CCDC28A: variants seen among roughly 807,000 people sequenced by gnomAD.
The protein encoded by CCDC28A is coiled-coil domain-containing protein 28A.
A neutral mutation model predicts 22.1 loss-of-function variants in CCDC28A; 24 were observed. The observed-to-expected ratio is 1.09, with a 90% CI of 0.79 to 1.53. The LOEUF (loss-of-function observed/expected upper bound fraction) is 1.53. CCDC28A is among the 40% of genes most tolerant of loss of function. The probability of loss-of-function intolerance (pLI) is 0.00; values close to 1 mark genes in which losing one functional copy is unlikely to be tolerated. For missense variants in CCDC28A, 170 were observed against 210.7 expected, an observed-to-expected ratio of 0.81 and a Z score of 1.20; for synonymous variants, 83 against 74.7, an observed-to-expected ratio of 1.11 and a Z score of -0.57.
At chr6:138,790,212 G>A (rs948698818) in intron 5 of CCDC28A, among the ~76,000 whole-genome samples, 5 of 151,986 alleles carry the variant, frequency 3.3e-5, no homozygotes, top group African/African-American at 1.2e-4. Context: ...AAGCAGTAGC[G>A]TGATCTCCAC....
At chr6:138,778,044 G>A (rs11756188) in intron 2 of CCDC28A, among the ~76,000 whole-genome samples, 4,799 of 152,180 alleles carry the variant, frequency 0.032, 114 homozygotes, top group Non-Finnish European at 0.041. Context: ...CATAATGTAT[G>A]TAATACATAA....
At chr6:138,785,945 C>T (rs138590531) in intron 4 of CCDC28A, among the ~76,000 whole-genome samples, 8 of 152,216 alleles carry the variant, frequency 5.3e-5, no homozygotes, top group South Asian at 2.1e-4. Flanking sequence ...AAAGGCAGAA[C>T]GACATTTGCT....
intron 3 of CCDC28A, 60 bp from the exon 4 acceptor site, chr6:138,785,167 A>T (rs1287100275): frequency 2.5e-6 from 3 of 1,192,976 alleles, no homozygotes; most frequent in Non-Finnish European, 3.6e-6. Context: ...AAGTGTTTTT[A>T]CTCAATGCTG....
intron 5 of CCDC28A, among the ~76,000 whole-genome samples, chr6:138,789,068 T>G (rs985840296): frequency 6.6e-6 from 1 of 152,218 alleles, no homozygotes; most frequent in Admixed American, 6.5e-5. Context: ...CACAATTAAA[T>G]GTACTTAGTG....
rs188329801 is a variant in CCDC28A at position 138,775,293 on chromosome 6, G to A, written c.-42-786G>A. On this transcript the variant is annotated intron_variant, in intron 1 of 5. Coordinates refer to ENST00000617445, the MANE Select transcript of CCDC28A (RefSeq NM_015439.3). ...AGAGCGGATTAATAGATAAAGTAAG[G>A]GGATTGTGTAGGGATAACTAGGAGG... is the stretch of plus-strand genomic sequence containing the variant. Among the ~76,000 whole-genome samples the A allele has an allele frequency of 3.9e-5, 6 of 152,308 alleles. No homozygotes were observed. In the East Asian group the frequency reaches 1.2e-3, roughly 29 times the overall value.
chr6:138,775,971 C>T (rs1774924647), intron 1 of CCDC28A, 108 bp from the exon 2 acceptor site: 2 of 870,700 alleles, frequency 2.3e-6, no homozygotes, highest in East Asian at 5.2e-5. Context: ...TTCTCTTATG[C>T]CCTCTGGAAT....
intron 3 of CCDC28A, among the ~76,000 whole-genome samples, chr6:138,782,637 C>T (rs1465148812): frequency 1.3e-5 from 2 of 152,142 alleles, no homozygotes; most frequent in Non-Finnish European, 2.9e-5. Flanking sequence ...CACACAAACA[C>T]GTATCTTGAG....
chr6:138,781,566 C>T (rs571982276), intron 3 of CCDC28A, among the ~76,000 whole-genome samples: 5 of 152,170 alleles, frequency 3.3e-5, no homozygotes, highest in Admixed American at 1.3e-4. Context: ...CTTGAATTCC[C>T]GCCAAGCAGT....
intron 3 of CCDC28A, among the ~76,000 whole-genome samples, chr6:138,781,444 G>A (rs1775019553): frequency 6.6e-6 from 1 of 152,066 alleles, no homozygotes; most frequent in African/African-American, 2.4e-5. Context: ...GGGATTGCTG[G>A]GTCAAAGCAT....
intron 3 of CCDC28A, among the ~76,000 whole-genome samples, chr6:138,784,347 C>CTTT (rs869026497): frequency 1.5e-5 from 1 of 68,694 alleles, no homozygotes; most frequent in African/African-American, 5.3e-5. Flanking sequence ...TTTCTTTTCT[C>CTTT]TTTTTCTTTT....
At chr6:138,792,183 C>G (rs1775180185) in intron 5 of CCDC28A, among the ~76,000 whole-genome samples, 1 of 152,116 alleles carries the variant, frequency 6.6e-6, no homozygotes, top group South Asian at 2.1e-4. Context: ...AGTGTCTTGT[C>G]ATGTTTGTCT....
chr6:138,777,600 T>C (rs1409412609), intron 2 of CCDC28A, among the ~76,000 whole-genome samples: 1 of 152,250 alleles, frequency 6.6e-6, no homozygotes, highest in Non-Finnish European at 1.5e-5. Flanking sequence ...TGGATCATCA[T>C]TGTGTGCCTG....
rs959393165 is a variant in CCDC28A at position 138,773,814 on chromosome 6, G to A, written c.-131G>A. ...AGGAGCGGGTCCCGGGATGTGACCG[G>A]GGCTCTGCTTGTGGCTGCGGCGGTG... is the stretch of plus-strand genomic sequence containing the variant. On this transcript the variant is annotated 5_prime_UTR_variant, in exon 1 of 6. Transcript: ENST00000617445. 33 of 1,613,994 alleles carry A rather than the reference G, an allele frequency of 2.0e-5. No individual in the cohort carries two copies. The highest frequency in any genetic ancestry group is 2.7e-5 in the Non-Finnish European group (32 of 1,180,024).
intron 4 of CCDC28A, among the ~76,000 whole-genome samples, chr6:138,787,893 T>G (rs72985064): frequency 0.03 from 4,522 of 152,080 alleles, 108 homozygotes; most frequent in Non-Finnish European, 0.041. Flanking sequence ...AAAAGGAATT[T>G]TTTAGCCTGA....
At chr6:138,792,528 T>TAA (rs1481768001) in intron 5 of CCDC28A, among the ~76,000 whole-genome samples, 2 of 146,050 alleles carry the variant, frequency 1.4e-5, no homozygotes, top group African/African-American at 5.1e-5. Context: ...TCTCTAAAAT[T>TAA]TAAAAAAAAA....
At chr6:138,781,134 T>G (rs1775015112) in intron 3 of CCDC28A, among the ~76,000 whole-genome samples, 1 of 152,232 alleles carries the variant, frequency 6.6e-6, no homozygotes, top group South Asian at 2.1e-4. Flanking sequence ...TTTCATATTT[T>G]TATTTTCATT....
At chr6:138,773,968 A>C in intron 1 of CCDC28A, 66 bp downstream of exon 1, 1 of 1,570,996 alleles carries the variant, frequency 6.4e-7, no homozygotes, top group Non-Finnish European at 8.6e-7. Context: ...CACTCTGGTC[A>C]CTGCTGGGTA....
At position 138,792,726 on chromosome 6, in the gene CCDC28A, ATCT is replaced by A. The variant is rs1343555595; in HGVS notation, c.501-18_501-16del. 2.1e-6 allele frequency: 3 copies of A among 1,442,246 alleles called. No homozygotes were observed. The highest frequency in any genetic ancestry group is 2.8e-5 in the African/African-American group (2 of 72,684). 89.3% of individuals were successfully genotyped at this position (1,442,246 alleles called of 1,614,324 possible). A position where few individuals can be genotyped will look rare whatever the true frequency, so the allele number is the denominator to read the frequency against. On this transcript the variant is annotated intron_variant, in intron 5 of 5. Coordinates refer to ENST00000617445, the MANE Select transcript of CCDC28A (RefSeq NM_015439.3). ...AAGAAGTACCCCTTATAGAATGAAA[ATCT>A]TCTTAACTGATTAATTCAGACAAAA...
intron 1 of CCDC28A, 57 bp downstream of exon 1, chr6:138,773,959 A>G (rs1308939429): frequency 3.8e-6 from 6 of 1,586,770 alleles, no homozygotes; most frequent in Non-Finnish European, 5.1e-6. Flanking sequence ...CCTTCCCACC[A>G]CTCTGGTCAC....
Sources: allele counts gnomAD v4.1 joint callset (sites outside exome capture counted in the v4.1 genomes callset), GRCh38; gene constraint gnomAD v4.1.1; transcripts MANE v1.5; gene names NCBI Gene and HGNC (gene_info 2026-07-23, HGNC 2026-07-21).